The following SULF2 variants were observed in gnomAD, a reference collection of about 807,000 sequenced individuals.
SULF2 encodes the protein sulfatase 2, also known as extracellular sulfatase Sulf-2.
In SULF2, 52 loss-of-function variants were observed where a neutral mutation model predicts 107.7. The observed-to-expected ratio is 0.48, with a 90% CI of 0.39 to 0.61. The LOEUF is 0.61. Among genes scored for constraint, SULF2 ranks in the 20% least tolerant of loss-of-function variants. The probability of loss-of-function intolerance (pLI) is 0.00; values close to 1 mark genes in which losing one functional copy is unlikely to be tolerated. For missense variants in SULF2, 993 were observed against 1,177.3 expected (o/e 0.84, Z 2.29); for synonymous variants, 460 against 464.3 (o/e 0.99, Z 0.12).
chr20:47,762,640 TGCCAGGTG>T (rs974133565), intron 1 of SULF2, among the ~76,000 whole-genome samples: 3 of 152,242 alleles, frequency 2.0e-5, no homozygotes, highest in African/African-American at 7.2e-5. Context: ...TTTCCTCATT[TGCCAGGTG>T]GCCAGGTGCC....
intron 18 of SULF2, 74 bp downstream of exon 18, chr20:47,661,699 T>TA: frequency 5.1e-6 from 7 of 1,367,808 alleles, no homozygotes; most frequent in Non-Finnish European, 6.7e-6. Context: ...ATTCTTGGGG[T>TA]AGACACCACC....
At chr20:47,683,287 G>GCT (rs1440882462) in intron 6 of SULF2, 118 bp from the exon 7 acceptor site, 7 of 1,056,338 alleles carry the variant, frequency 6.6e-6, no homozygotes, top group Non-Finnish European at 7.9e-6. Flanking sequence ...TCAGGTCTTT[G>GCT]CTCAACTTTC....
At chr20:47,770,412 C>T (rs1309480718) in intron 1 of SULF2, among the ~76,000 whole-genome samples, 10 of 151,936 alleles carry the variant, frequency 6.6e-5, no homozygotes, top group Non-Finnish European at 1.5e-4. Flanking sequence ...GAACAGACTG[C>T]AGGGCATGAG....
At chr20:47,745,078 T>C (rs1006089660) in intron 2 of SULF2, among the ~76,000 whole-genome samples, 1 of 152,046 alleles carries the variant, frequency 6.6e-6, no homozygotes, top group African/African-American at 2.4e-5. Context: ...TGAACTGCCG[T>C]AAATCACTGA....
intron 3 of SULF2, among the ~76,000 whole-genome samples, chr20:47,731,441 T>A (rs539189983): frequency 6.6e-6 from 1 of 151,976 alleles, no homozygotes; most frequent in East Asian, 1.9e-4. Flanking sequence ...GATCCGCCCA[T>A]CCCTGCCTCC....
rs751614458 is a variant in SULF2, at chr20:47,666,179, C to G, written c.1805+81G>C. ...CCACCATCCTTGTCATCTTGGTCCT[C>G]AGGGGCCCAAGAGGTGTGGGAAGCC... On this transcript the variant is annotated intron_variant, in intron 12 of 20. Transcript: ENST00000688720. This position sits in a 1 kb window ranked among gnomAD's most constrained non-coding sequence, Gnocchi z 5.4. The G allele has an allele frequency of 1.9e-6, 3 of 1,612,926 alleles. No individual in the cohort carries two copies. The South Asian group carries it at 3.3e-5, about 18-fold the overall frequency.
At chr20:47,707,706 T>TA (rs2088794396) in intron 3 of SULF2, among the ~76,000 whole-genome samples, 1 of 152,198 alleles carries the variant, frequency 6.6e-6, no homozygotes, top group African/African-American at 2.4e-5. Context: ...TTTCTGCTCC[T>TA]AAAAGCAAAG....
At chr20:47,780,888 A>T (rs932332162) in intron 1 of SULF2, among the ~76,000 whole-genome samples, 1 of 152,218 alleles carries the variant, frequency 6.6e-6, no homozygotes, top group Non-Finnish European at 1.5e-5. Flanking sequence ...CAGCCCCTGC[A>T]TTAGGCAGGA....
At position 47,666,566 on chromosome 20, in the gene SULF2, C is replaced by T; in HGVS notation, c.1577-78G>A. On this transcript the variant is annotated intron_variant, in intron 11 of 20. Transcript: ENST00000688720. The surrounding 1 kb of genome is among the most constrained non-coding windows in gnomAD (Gnocchi z 5.4). ...GCTCCCAGGGCAGTGGGTCCTTCAT[C>T]AAGATAGGGCCGGGCTTCCAAGCAT... is the stretch of plus-strand genomic sequence containing the variant. The T allele has an allele frequency of 8.6e-7, 1 of 1,161,022 alleles. No homozygotes were observed. 71.9% of individuals were successfully genotyped at this position (1,161,022 alleles called of 1,614,324 possible). A position where few individuals can be genotyped will look rare whatever the true frequency, so the allele number is the denominator to read the frequency against.
chr20:47,756,156 T>C (rs555324156), intron 2 of SULF2, among the ~76,000 whole-genome samples: 1 of 152,328 alleles, frequency 6.6e-6, no homozygotes, highest in South Asian at 2.1e-4. Flanking sequence ...CAAGAAGCTC[T>C]GAGGTCCAGG....
At chr20:47,731,519 T>G (rs2089612082) in intron 3 of SULF2, among the ~76,000 whole-genome samples, 1 of 151,996 alleles carries the variant, frequency 6.6e-6, no homozygotes. Context: ...AATTCAATGT[T>G]TTTGAAGCCA....
chr20:47,698,125 A>G (rs949732806), intron 4 of SULF2, among the ~76,000 whole-genome samples: 1 of 152,246 alleles, frequency 6.6e-6, no homozygotes, highest in African/African-American at 2.4e-5. Context: ...GGAGCCCAGG[A>G]TGACCTGTCG....
rs56679267 is a variant in SULF2, at chr20:47,712,685, G to A, written c.416-10015C>T. 7.8e-3 allele frequency among the ~76,000 whole-genome samples: 1,186 copies of A among 152,232 alleles called. 23 individuals carry two copies. The highest frequency in any genetic ancestry group is 0.027 in the African/African-American group (1,132 of 41,510). ...GTGGGGCAGCGCCCTCTAATGTTAAGCGTCACACCCCTCGCCCAGGAGTGC... is the reference window on the plus strand; with the variant it reads ...GTGGGGCAGCGCCCTCTAATGTTAAACGTCACACCCCTCGCCCAGGAGTGC... On this transcript the variant is annotated intron_variant, in intron 3 of 20. Coordinates refer to ENST00000688720, the MANE Select transcript of SULF2 (RefSeq NM_001387048.1).
intron 2 of SULF2, among the ~76,000 whole-genome samples, chr20:47,737,573 T>C (rs1304153355): frequency 1.3e-5 from 2 of 151,852 alleles, no homozygotes; most frequent in African/African-American, 4.8e-5. Context: ...TCTTCGAGCC[T>C]GGAACCCACC....
In SULF2 at chr20:47,771,632, G is replaced by C. The variant is rs573395459; in HGVS notation, c.-101+13711C>G. ...GCCCAACAACATGGAGGTTGCCCTGGAGTCCAGGAGGGAAGGCTGCTGTCC... is the reference window on the plus strand; with the variant it reads ...GCCCAACAACATGGAGGTTGCCCTGCAGTCCAGGAGGGAAGGCTGCTGTCC... On this transcript the variant is annotated intron_variant, in intron 1 of 20. Coordinates refer to ENST00000688720, the MANE Select transcript of SULF2 (RefSeq NM_001387048.1). Among the ~76,000 whole-genome samples the C allele has an allele frequency of 1.6e-3, 242 of 152,280 alleles. 1 individual carries two copies. Among genetic ancestry groups the C allele is most frequent in the Admixed American group, 6.7e-3 (102 of 15,294 alleles).
chr20:47,672,413 C>G lies in SULF2; in HGVS notation c.1381-20G>C, dbSNP rs1272581946. 1 of 1,560,392 alleles carries G rather than the reference C, an allele frequency of 6.4e-7. No individual in the cohort carries two copies. The highest frequency in any genetic ancestry group is 1.2e-5 in the South Asian group (1 of 85,170). The stretch of plus-strand genomic sequence containing the variant: ...CCACTTCTGAAAGACATGCCAGGGC[C>G]TCGGCCAGCTGCTCATCTGCTCCCC... On this transcript the variant is annotated intron_variant, in intron 10 of 20. Coordinates refer to ENST00000688720, the MANE Select transcript of SULF2 (RefSeq NM_001387048.1).
At chr20:47,672,551 A>G in intron 10 of SULF2, 158 bp from the exon 11 acceptor site, 1 of 983,948 alleles carries the variant, frequency 1.0e-6, no homozygotes, top group Non-Finnish European at 1.2e-6. Context: ...GCTTCTCTCC[A>G]CTGCCACTGC....
At chr20:47,705,316 C>G (rs2088696202) in intron 3 of SULF2, among the ~76,000 whole-genome samples, 1 of 152,180 alleles carries the variant, frequency 6.6e-6, no homozygotes, top group Non-Finnish European at 1.5e-5. Flanking sequence ...CGGGAAGAAC[C>G]TGGCGTTCTG....
chr20:47,686,753 G>T (rs2088017955), intron 5 of SULF2, among the ~76,000 whole-genome samples: 1 of 152,242 alleles, frequency 6.6e-6, no homozygotes, highest in Non-Finnish European at 1.5e-5. Flanking sequence ...CCGTTGCTAT[G>T]TAAGGCGGGA....
Sources: gnomAD v4.1 joint callset for allele counts (sites outside exome capture counted in the v4.1 genomes callset) on GRCh38, gnomAD v4.1.1 for gene constraint, Gnocchi (gnomAD v3.1) non-coding constraint, MANE v1.5 for transcripts, NCBI Gene and HGNC (gene_info 2026-07-23, HGNC 2026-07-21) for gene names.